AUH: variants seen among roughly 807,000 people sequenced by gnomAD.
The protein encoded by AUH is methylglutaconyl-CoA hydratase, mitochondrial.
AUH carries 29 observed loss-of-function variants against 42.3 expected under a neutral mutation model. That is an observed-to-expected ratio of 0.69 (90% CI 0.51 to 0.93). The LOEUF is 0.93. Ranked by LOEUF, AUH falls within the 40% of genes least tolerant of loss-of-function variation. The probability of loss-of-function intolerance (pLI) is 0.00; values close to 1 mark genes in which losing one functional copy is unlikely to be tolerated. For synonymous variants in AUH, 174 were observed against 166.4 expected (o/e 1.05, Z -0.35); for missense variants, 452 against 438.1 (o/e 1.03, Z -0.28).
At chr9:91,303,035 A>G (rs1029231073) in intron 4 of AUH, among the ~76,000 whole-genome samples, 2 of 152,180 alleles carry the variant, frequency 1.3e-5, no homozygotes, top group Non-Finnish European at 2.9e-5. Context: ...GCCAGGTATG[A>G]CAAAGAAGAT....
chr9:91,216,673 G>T (rs1826838130), intron 8 of AUH, among the ~76,000 whole-genome samples: 1 of 152,134 alleles, frequency 6.6e-6, no homozygotes, highest in Non-Finnish European at 1.5e-5. Flanking sequence ...CAAGAAGGAA[G>T]CACTTTTCTT....
chr9:91,341,890 T>C (rs550870258), intron 3 of AUH, among the ~76,000 whole-genome samples: 56 of 152,304 alleles, frequency 3.7e-4, no homozygotes, highest in Non-Finnish European at 7.2e-4. Context: ...GGAACAGCTA[T>C]TTAAGATGAC....
At chr9:91,265,857 A>G (rs1243890607) in intron 6 of AUH, among the ~76,000 whole-genome samples, 1 of 152,174 alleles carries the variant, frequency 6.6e-6, no homozygotes, top group East Asian at 1.9e-4. Flanking sequence ...CTGTAAAATC[A>G]ATCCCCTCTT....
chr9:91,263,567 A>G (rs559679572), intron 6 of AUH, among the ~76,000 whole-genome samples: 1 of 152,218 alleles, frequency 6.6e-6, no homozygotes, highest in Non-Finnish European at 1.5e-5. Context: ...GTGAAACGCC[A>G]AATTAGGAAA....
intron 4 of AUH, among the ~76,000 whole-genome samples, chr9:91,311,132 AAGAG>A (rs1828670493): frequency 6.6e-6 from 1 of 152,194 alleles, no homozygotes; most frequent in Non-Finnish European, 1.5e-5. Context: ...TTGTATTTCA[AAGAG>A]AGAGCTTTTT....
intron 6 of AUH, among the ~76,000 whole-genome samples, chr9:91,270,815 TATA>T (rs1825062641): frequency 6.6e-6 from 1 of 152,196 alleles, no homozygotes; most frequent in Admixed American, 6.5e-5. Context: ...ATCACTTTGA[TATA>T]AAGAATAAGT....
At chr9:91,274,232 C>A (rs1825373742) in intron 6 of AUH, among the ~76,000 whole-genome samples, 1 of 152,108 alleles carries the variant, frequency 6.6e-6, no homozygotes, top group Non-Finnish European at 1.5e-5. Flanking sequence ...TAGAGAAAAT[C>A]ATTTTATTTC....
chr9:91,330,594 C>CA (rs1321680192), intron 3 of AUH, among the ~76,000 whole-genome samples: 1 of 152,038 alleles, frequency 6.6e-6, no homozygotes, highest in Non-Finnish European at 1.5e-5. Flanking sequence ...ACACACTCAA[C>CA]AAAAAATGCA....
chr9:91,307,416 G>A (rs905002635), intron 4 of AUH, among the ~76,000 whole-genome samples: 6 of 152,176 alleles, frequency 3.9e-5, no homozygotes, highest in Non-Finnish European at 7.3e-5. Flanking sequence ...AATTATAGTA[G>A]TCTCCCCTTA....
At chr9:91,266,535 C>A (rs10991856) in intron 6 of AUH, among the ~76,000 whole-genome samples, 11,339 of 152,092 alleles carry the variant, frequency 0.075, 685 homozygotes, top group East Asian at 0.26. Context: ...CAATAATAAA[C>A]CCTGAGCAAA....
At chr9:91,289,288 T>C (rs1263187351) in intron 6 of AUH, among the ~76,000 whole-genome samples, 1 of 152,218 alleles carries the variant, frequency 6.6e-6, no homozygotes, top group African/African-American at 2.4e-5. Flanking sequence ...TACATAATAT[T>C]AAGAAGAAAA....
At chr9:91,247,406 T>C (rs1161819670) in intron 6 of AUH, among the ~76,000 whole-genome samples, 1 of 152,088 alleles carries the variant, frequency 6.6e-6, no homozygotes, top group Non-Finnish European at 1.5e-5. Flanking sequence ...CCACTCCCAC[T>C]GGTCCATTTT....
At chr9:91,264,380 G>A (rs1829859442) in intron 6 of AUH, among the ~76,000 whole-genome samples, 1 of 152,120 alleles carries the variant, frequency 6.6e-6, no homozygotes, top group African/African-American at 2.4e-5. Flanking sequence ...GGGAGCATAA[G>A]GTTGAAGTGG....
chr9:91,217,158 A>G (rs550394259), intron 8 of AUH, 119 bp downstream of exon 8: 2 of 1,027,170 alleles, frequency 1.9e-6, no homozygotes, highest in East Asian at 2.5e-5. Flanking sequence ...CAGTAATAGT[A>G]GCATTTAAAC....
chr9:91,313,711 CAA>C (rs775229436), intron 4 of AUH, among the ~76,000 whole-genome samples: 8 of 68,896 alleles, frequency 1.2e-4, no homozygotes, highest in East Asian at 3.9e-4. Flanking sequence ...GACTCCGTCT[CAA>C]AAAAAAAAAA....
intron 6 of AUH, among the ~76,000 whole-genome samples, chr9:91,238,959 A>T (rs1488074167): frequency 6.6e-6 from 1 of 152,238 alleles, no homozygotes; most frequent in Non-Finnish European, 1.5e-5. Context: ...CTAAATTCAA[A>T]GTACAGAATA....
chr9:91,329,264 G>T (rs1267439627), intron 3 of AUH, among the ~76,000 whole-genome samples: 1 of 151,352 alleles, frequency 6.6e-6, no homozygotes, highest in African/African-American at 2.4e-5. Flanking sequence ...AAGTAGAATT[G>T]CTAGGTCATA....
At chr9:91,347,384 T>C (rs1831596914) in intron 3 of AUH, among the ~76,000 whole-genome samples, 1 of 152,286 alleles carries the variant, frequency 6.6e-6, no homozygotes, top group African/African-American at 2.4e-5. Flanking sequence ...AGGGTCTTTA[T>C]GGAGGTTTCA....
At chr9:91,258,410 A>G (rs1829526473) in intron 6 of AUH, among the ~76,000 whole-genome samples, 1 of 151,962 alleles carries the variant, frequency 6.6e-6, no homozygotes, top group African/African-American at 2.4e-5. Context: ...TAATTTTTGT[A>G]TTTTGTTAGA....
Sources: allele counts gnomAD v4.1 joint callset (sites outside exome capture counted in the v4.1 genomes callset), GRCh38; gene constraint gnomAD v4.1.1; transcripts MANE v1.5; gene names NCBI Gene and HGNC (gene_info 2026-07-23, HGNC 2026-07-21).